PLIN4: variants seen among roughly 807,000 people sequenced by gnomAD.
PLIN4 encodes perilipin 4.
Under a neutral mutation model 52.4 loss-of-function variants are expected in PLIN4, and 57 were observed. The ratio of observed to expected loss-of-function variants is 1.09; its 90% CI spans 0.88 to 1.36. The LOEUF (loss-of-function observed/expected upper bound fraction) is 1.36, where lower values mean the gene tolerates loss of function less well. Among genes scored for constraint, PLIN4 ranks in the 40% most tolerant of loss-of-function variants. PLIN4 has a pLI of 0.00. For missense variants in PLIN4, 1,757 were observed against 1,770.3 expected (o/e 0.99, Z 0.13); for synonymous variants, 826 against 785.4 (o/e 1.05, Z -0.86).
At chr19:4,508,662 G>A (rs998895030) in intron 6 of PLIN4, 106 bp downstream of exon 6, 18 of 1,239,060 alleles carry the variant, frequency 1.5e-5, no homozygotes, top group Middle Eastern at 2.8e-4. Flanking sequence ...GACGCTGACA[G>A]CATCATCTCC....
intron 4 of PLIN4, among the ~76,000 whole-genome samples, chr19:4,514,207 G>T (rs1437352677): frequency 6.6e-6 from 1 of 152,172 alleles, no homozygotes; most frequent in Non-Finnish European, 1.5e-5. Context: ...ATCCTAGCAT[G>T]TTGGGAGGCC....
chr19:4,505,890 C>G (rs1341767786), intron 6 of PLIN4, among the ~76,000 whole-genome samples: 2 of 152,022 alleles, frequency 1.3e-5, no homozygotes, highest in Non-Finnish European at 2.9e-5. Flanking sequence ...CTCCCCTCAG[C>G]CCCCCTGCTC....
At chr19:4,515,975 G>A (rs1599753353) in intron 4 of PLIN4, among the ~76,000 whole-genome samples, 1 of 152,152 alleles carries the variant, frequency 6.6e-6, no homozygotes, top group Non-Finnish European at 1.5e-5. Context: ...GGAAAATGCT[G>A]ATTAAAACAG....
At position 4,512,708 on chromosome 19, in the gene PLIN4, T is replaced by C. The variant is rs113360500; in HGVS notation, c.1252A>G (p.Met418Val). Reference protein sequence around the residue: ...TGAANVAKGAMQTGLNTTQNI... With the variant: ...TGAANVAKGAVQTGLNTTQNI... Reference sequence around the variant, plus strand: ...TGGGTTGTGTTCAGCCCAGTTTGCATGGCCCCCTTGGCCACATTCGCTGCC... The same window carrying C: ...TGGGTTGTGTTCAGCCCAGTTTGCACGGCCCCCTTGGCCACATTCGCTGCC... Residue 418 changes from methionine to valine, a missense_variant, in exon 5 of 8, where the codon ATG becomes GTG. By Grantham distance (21) the Met-to-Val change is conservative (BLOSUM62 1). This residue lies in a region of PLIN4 where 439 missense variants were observed against 406.4 expected (regional missense o/e 1.08). Coordinates refer to ENST00000301286, the MANE Select transcript of PLIN4 (RefSeq NM_001367868.2). The C allele has an allele frequency of 2.2e-3, 3,356 of 1,544,816 alleles. 1,063 individuals are homozygous for C. The African/African-American group carries it at 0.063, about 29-fold the overall frequency.
At chr19:4,509,317 A>AAAAAAAAAAAAAAAAAAAAAAAG (rs1307662465) in intron 5 of PLIN4, among the ~76,000 whole-genome samples, 1 of 137,338 alleles carries the variant, frequency 7.3e-6, no homozygotes, top group Non-Finnish European at 1.6e-5. Flanking sequence ...TCTCAAAAAA[A>AAAAAAAAAAAAAAAAAAAAAAAG]AAAAAAAAGT....
rs1428714979 is a variant in PLIN4, at chr19:4,518,369, G to A, written c.-18+16C>T. 8.1e-7 allele frequency: 1 copy of A among 1,231,842 alleles called. No individual in the cohort carries two copies. Among genetic ancestry groups the A allele is most frequent in the Admixed American group, 4.2e-5 (1 of 23,712 alleles). 76.3% of individuals were successfully genotyped at this position (1,231,842 alleles called of 1,614,324 possible). A position where few individuals can be genotyped will look rare whatever the true frequency, so the allele number is the denominator to read the frequency against. ...CACCCACTCCCCACTGAAAGCCTGA[G>A]CAGCCCGACACCCACCTGCAGGCCT... On this transcript the variant is annotated intron_variant, in intron 1 of 7. Coordinates refer to ENST00000301286, the MANE Select transcript of PLIN4 (RefSeq NM_001367868.2).
Position 4,518,246 on chromosome 19 carries a change from C to G in PLIN4, c.27G>C (p.Arg9=). MSAPDEGR[R]DPPKPKGKTL... ...CCTTGCCCTTCGGTTTGGGGGGATCCCGTCTCCCTTCGTCTGGAGCAGACA... is the reference window on the plus strand; with the variant it reads ...CCTTGCCCTTCGGTTTGGGGGGATCGCGTCTCCCTTCGTCTGGAGCAGACA... The change falls in exon 2 of 8, where the codon CGG becomes CGC. Residue 9 remains arginine, a synonymous_variant. Transcript: ENST00000301286. 1 of 1,232,964 alleles carries G rather than the reference C, an allele frequency of 8.1e-7. No individual in the cohort carries two copies. Among genetic ancestry groups the G allele is most frequent in the Non-Finnish European group, 1.0e-6 (1 of 988,616 alleles). 76.4% of individuals were successfully genotyped at this position (1,232,964 alleles called of 1,614,324 possible). A position where few individuals can be genotyped will look rare whatever the true frequency, so the allele number is the denominator to read the frequency against.
chr19:4,513,968 C>CT (rs1023539709), intron 4 of PLIN4, among the ~76,000 whole-genome samples: 18 of 152,240 alleles, frequency 1.2e-4, no homozygotes, highest in African/African-American at 4.3e-4. Context: ...CACGCACCCC[C>CT]TTTCCCGGCT....
chr19:4,513,702 C>T lies in PLIN4; in HGVS notation c.259-1G>A, dbSNP rs1226677115. On this transcript the variant is annotated splice_acceptor_variant, in intron 4 of 7. Coordinates refer to ENST00000301286, the MANE Select transcript of PLIN4 (RefSeq NM_001367868.2). LOFTEE classifies it high-confidence loss of function. Reference sequence around the variant, plus strand: ...CCAGGTCTTTGGCCCCGGACACCATCTGCTGAGAAAGGACACAGGTGGATC... The same window carrying T: ...CCAGGTCTTTGGCCCCGGACACCATTTGCTGAGAAAGGACACAGGTGGATC... The T allele has an allele frequency of 6.4e-7, 1 of 1,569,060 alleles. No individual in the cohort carries two copies. Among genetic ancestry groups the T allele is most frequent in the Non-Finnish European group, 8.6e-7 (1 of 1,156,718 alleles).
chr19:4,517,440 C>T lies in PLIN4; in HGVS notation c.196+114G>A. On this transcript the variant is annotated intron_variant, in intron 3 of 7. Transcript: ENST00000301286. Reference sequence around the variant, plus strand: ...GATGTCCTAGTGTCTGATGAGAGCACACAGACAAATATGGAGGACTCCCCA... The same window carrying T: ...GATGTCCTAGTGTCTGATGAGAGCATACAGACAAATATGGAGGACTCCCCA... The T allele has an allele frequency of 2.3e-6, 3 of 1,316,534 alleles. No homozygotes were observed. In the South Asian group the frequency reaches 4.6e-5, roughly 20 times the overall value. 81.6% of individuals were successfully genotyped at this position (1,316,534 alleles called of 1,614,324 possible).
intron 4 of PLIN4, among the ~76,000 whole-genome samples, chr19:4,515,674 C>T (rs575568937): frequency 6.4e-4 from 98 of 152,308 alleles, no homozygotes; most frequent in African/African-American, 2.3e-3. Context: ...GGGGAGGCTC[C>T]TGGCATGGAG....
rs949850843 is a variant in PLIN4 at position 4,513,712 on chromosome 19, A to G, written c.259-11T>C. Reference sequence around the variant, plus strand: ...GGCCCCGGACACCATCTGCTGAGAAAGGACACAGGTGGATCAAGAGAAGGA... The same window carrying G: ...GGCCCCGGACACCATCTGCTGAGAAGGGACACAGGTGGATCAAGAGAAGGA... On this transcript the variant is annotated splice_polypyrimidine_tract_variant and intron_variant, in intron 4 of 7. Coordinates refer to ENST00000301286, the MANE Select transcript of PLIN4 (RefSeq NM_001367868.2). The G allele has an allele frequency of 1.2e-5, 18 of 1,562,428 alleles. No homozygotes were observed. The highest frequency in any genetic ancestry group is 1.5e-5 in the Non-Finnish European group (17 of 1,153,158).
Position 4,513,224 on chromosome 19 carries a change from C to T in PLIN4, c.736G>A (p.Val246Met), listed in dbSNP as rs1229389566. Residue 246 changes from valine (V) to methionine (M), a missense_variant, in exon 5 of 8, where the codon GTG becomes ATG. Val to Met is a conservative substitution (Grantham distance 21, BLOSUM62 1). Coordinates refer to ENST00000301286, the MANE Select transcript of PLIN4 (RefSeq NM_001367868.2). ...TGAATGCTTCCTCTGGCCACATTCA[C>T]TGCCCCTGTGAGCCCAGTGGACACA... ...DAVSTGLTGA[V>M]NVARGSIQTG... The T allele has an allele frequency of 6.2e-6, 10 of 1,613,924 alleles. No individual in the cohort carries two copies. Among genetic ancestry groups the T allele is most frequent in the Non-Finnish European group, 8.5e-6 (10 of 1,179,892 alleles).
Position 4,512,430 on chromosome 19 carries a change from C to A in PLIN4, c.1530G>T (p.Val510=). 4 of 1,610,600 alleles carry A rather than the reference C, an allele frequency of 2.5e-6. No individual in the cohort carries two copies. Among genetic ancestry groups the A allele is most frequent in the Non-Finnish European group, 3.4e-6 (4 of 1,178,846 alleles). The change falls in exon 5 of 8, where the codon GTG becomes GTT. Residue 510 remains valine (V), a synonymous_variant. Coordinates refer to ENST00000301286, the MANE Select transcript of PLIN4 (RefSeq NM_001367868.2). ...DAVSTGLTGA[V]NVAKGTVQTG... is the part of the protein sequence containing the mutation. ...TCTGGACGGTCCCTTTGGCCACGTT[C>A]ACAGCCCCTGTGAGCCCAGTGGACA...
Position 4,510,450 on chromosome 19 carries a change from C to T in PLIN4, c.3510G>A (p.Glu1170=), listed in dbSNP as rs763770956. ...GDIFHPMNAE[E]QAQLAASQPG... Reference sequence around the variant, plus strand: ...TGAACCCAGGCGTCCCCTCACCTTGCTCCTCCGCATTCATGGGGTGGAAGA... The same window carrying T: ...TGAACCCAGGCGTCCCCTCACCTTGTTCCTCCGCATTCATGGGGTGGAAGA... The change falls in exon 5 of 8, where the codon GAG becomes GAA. Residue 1170 remains glutamate (E), a synonymous_variant. Coordinates refer to ENST00000301286, the MANE Select transcript of PLIN4 (RefSeq NM_001367868.2). 3.1e-5 allele frequency: 44 copies of T among 1,416,450 alleles called. No individual in the cohort carries two copies. The East Asian group carries it at 1.1e-3, about 35-fold the overall frequency. 87.7% of individuals were successfully genotyped at this position (1,416,450 alleles called of 1,614,324 possible).
At chr19:4,506,793 G>A (rs1976108115) in intron 6 of PLIN4, among the ~76,000 whole-genome samples, 2 of 152,276 alleles carry the variant, frequency 1.3e-5, no homozygotes, top group African/African-American at 4.8e-5. Flanking sequence ...CGTGCTGCGA[G>A]GGTGGGCCCA....
chr19:4,514,696 C>G (rs996559874), intron 4 of PLIN4, among the ~76,000 whole-genome samples: 1 of 151,726 alleles, frequency 6.6e-6, no homozygotes, highest in African/African-American at 2.4e-5. Flanking sequence ...CCACTGCACT[C>G]CAGCCTGGGT....
In PLIN4 at chr19:4,511,103, C is replaced by G. The variant is rs1214172701; in HGVS notation, c.2857G>C (p.Ala953Pro). The G allele has an allele frequency of 6.2e-7, 1 of 1,610,798 alleles. No individual in the cohort carries two copies. The highest frequency in any genetic ancestry group is 1.1e-5 in the South Asian group (1 of 90,968). The change falls in exon 5 of 8, where the codon GCC (alanine) becomes CCC (proline). Residue 953 changes from alanine (A) to proline (P), a missense_variant. Physicochemically the swap from Ala to Pro is conservative, Grantham distance 27. Coordinates refer to ENST00000301286, the MANE Select transcript of PLIN4 (RefSeq NM_001367868.2). ...KGTVQTGVDTAKTVLSGAKDA... is the reference protein window; with the variant it reads ...KGTVQTGVDTPKTVLSGAKDA... Reference sequence around the variant, plus strand: ...TTAGCGCCACTCAGCACCGTCTTGGCTGTGTCCACACCTGTCTGGACGGTC... The same window carrying G: ...TTAGCGCCACTCAGCACCGTCTTGGGTGTGTCCACACCTGTCTGGACGGTC...
intron 5 of PLIN4, among the ~76,000 whole-genome samples, chr19:4,509,266 G>A (rs1439626052): frequency 2.0e-5 from 2 of 101,708 alleles, no homozygotes; most frequent in Admixed American, 2.4e-4. Context: ...AGCCGAGATG[G>A]AGCCACTGCA....
Sources: allele counts gnomAD v4.1 joint callset (sites outside exome capture counted in the v4.1 genomes callset), GRCh38; gene constraint gnomAD v4.1.1; regional missense constraint gnomAD v4.1.1; transcripts MANE v1.5; gene names NCBI Gene and HGNC (gene_info 2026-07-23, HGNC 2026-07-21).